Variants in TNNT1 observed in about 807,000 individuals in gnomAD.
TNNT1 encodes the protein troponin T, slow skeletal muscle.
In TNNT1, 53 loss-of-function variants were observed where a neutral mutation model predicts 50.6. The ratio of observed to expected loss-of-function variants is 1.05; its 90% CI spans 0.84 to 1.32. TNNT1 has a LOEUF of 1.32. Among genes scored for constraint, TNNT1 ranks in the 40% most tolerant of loss-of-function variants. The probability of loss-of-function intolerance (pLI) is 0.00; values close to 1 mark genes in which losing one functional copy is unlikely to be tolerated. For synonymous variants in TNNT1, 142 were observed against 138.0 expected (o/e 1.03, Z -0.20); for missense variants, 348 against 381.7 (o/e 0.91, Z 0.74).
chr19:55,143,314 G>T (rs1005623719), intron 6 of TNNT1, among the ~76,000 whole-genome samples: 1 of 152,180 alleles, frequency 6.6e-6, no homozygotes, highest in African/African-American at 2.4e-5. Flanking sequence ...GTAAGAAATT[G>T]TAAGTGACGT....
chr19:55,145,378 AGGAGGGAGG>A (rs1481062101), intron 6 of TNNT1, 157 bp downstream of exon 6: 4 of 641,870 alleles, frequency 6.2e-6, no homozygotes, highest in Non-Finnish European at 1.1e-5. Context: ...GAGGAGGGAG[AGGAGGGAGG>A]AGGGAAAGGG....
intron 6 of TNNT1, chr19:55,145,315 A>C: frequency 1.8e-6 from 1 of 563,738 alleles, no homozygotes; most frequent in Non-Finnish European, 3.2e-6. Flanking sequence ...AAGAAGGGGA[A>C]GGAGAAGGAG....
At chr19:55,148,686 C>T (rs568358023) in intron 1 of TNNT1, among the ~76,000 whole-genome samples, 4 of 152,018 alleles carry the variant, frequency 2.6e-5, no homozygotes, top group South Asian at 2.1e-4. Context: ...GTTCATGATA[C>T]CCCAGATAAT....
At position 55,137,389 on chromosome 19, in the gene TNNT1, T is replaced by C. The variant is rs2562510; in HGVS notation, c.502-177A>G. Among the ~76,000 whole-genome samples, 61,975 of 149,376 alleles carry C rather than the reference T, an allele frequency of 0.41. 14,829 individuals carry two copies. The highest frequency in any genetic ancestry group is 0.66 in the African/African-American group (26,864 of 40,948). On this transcript the variant is annotated intron_variant, in intron 10 of 13. Coordinates refer to ENST00000588981, the MANE Select transcript of TNNT1 (RefSeq NM_003283.6). ...AGCCCCACTCCCTCCTCCCTCAGATTCAGGAGGAGTCCAGACCCCCAGTCC... is the reference window on the plus strand; with the variant it reads ...AGCCCCACTCCCTCCTCCCTCAGATCCAGGAGGAGTCCAGACCCCCAGTCC...
intron 9 of TNNT1, 29 bp from the exon 10 acceptor site, chr19:55,138,103 G>T: frequency 6.2e-7 from 1 of 1,613,852 alleles, no homozygotes; most frequent in Non-Finnish European, 8.5e-7. Flanking sequence ...TAACCTCATG[G>T]ACTCCCCTGT....
intron 9 of TNNT1, among the ~76,000 whole-genome samples, chr19:55,140,142 T>TA (rs544765660): frequency 3.0e-5 from 4 of 135,114 alleles, no homozygotes; most frequent in African/African-American, 5.6e-5. Flanking sequence ...AAATTAAAAT[T>TA]AAAAAAAAAG....
rs148264676 is a variant in TNNT1, at chr19:55,141,107, C to T, written c.309+79G>A. On this transcript the variant is annotated intron_variant, in intron 8 of 13. Transcript: ENST00000588981. ...GCTCAGCTCTGTACTAGGAGGAAAA[C>T]TATTATCTGCATCTCCCAAGATGCA... 0.031 allele frequency: 46,739 copies of T among 1,494,298 alleles called. 945 individuals are homozygous for T. Among genetic ancestry groups the T allele is most frequent in the Non-Finnish European group, 0.037 (39,562 of 1,071,086 alleles). The allele number at this position is 1,494,298 out of a possible 1,614,324, so 92.6% of individuals were successfully genotyped here. A position where few individuals can be genotyped will look rare whatever the true frequency, so the allele number is the denominator to read the frequency against.
intron 1 of TNNT1, chr19:55,148,190 A>T (rs1372948046): frequency 6.6e-6 from 1 of 151,766 alleles, no homozygotes; most frequent in Non-Finnish European, 1.5e-5. Context: ...GGGGGATGTC[A>T]TAGATGGTGA....
At chr19:55,142,541 T>C (rs2085478100) in intron 6 of TNNT1, among the ~76,000 whole-genome samples, 1 of 144,058 alleles carries the variant, frequency 6.9e-6, no homozygotes. Flanking sequence ...ATATGCCTAG[T>C]AAGAATTTTT....
chr19:55,133,413 C>T (rs986385564), intron 13 of TNNT1: 5 of 279,910 alleles, frequency 1.8e-5, no homozygotes, highest in Admixed American at 1.5e-4. Context: ...GGCGCGGTGG[C>T]TCACGCCTGT....
intron 6 of TNNT1, among the ~76,000 whole-genome samples, chr19:55,143,358 C>A (rs1457131985): frequency 6.6e-6 from 1 of 152,118 alleles, no homozygotes. Context: ...TTGGGTGGTG[C>A]CGCTCTGAGG....
chr19:55,146,557 T>A, intron 4 of TNNT1, 91 bp from the exon 5 acceptor site: 4 of 1,143,102 alleles, frequency 3.5e-6, no homozygotes, highest in Non-Finnish European at 4.7e-6. Flanking sequence ...GGAAGAGACG[T>A]GAGAGGCTGT....
At chr19:55,147,683 C>CTGAGAGGGGAGGGGCTGGAGGCT (rs1555860239) in intron 1 of TNNT1, among the ~76,000 whole-genome samples, 2 of 90,416 alleles carry the variant, frequency 2.2e-5, no homozygotes, top group African/African-American at 9.4e-5. Flanking sequence ...GGGCTGGGGT[C>CTGAGAGGGGAGGGGCTGGAGGCT]TGGACTCCTG....
intron 11 of TNNT1, 68 bp from the exon 12 acceptor site, chr19:55,134,272 G>A (rs548959492): frequency 4.3e-5 from 63 of 1,449,170 alleles, no homozygotes; most frequent in African/African-American, 3.5e-4. Flanking sequence ...GCCACACAGC[G>A]AGACTGTGAG....
At chr19:55,133,839 A>G (rs2085292006) in intron 13 of TNNT1, 48 bp downstream of exon 13, 5 of 1,612,020 alleles carry the variant, frequency 3.1e-6, no homozygotes, top group Non-Finnish European at 4.2e-6. Context: ...CCTGAGAGTC[A>G]GCGGGAGGGT....
At chr19:55,135,807 C>T (rs566831035) in intron 11 of TNNT1, among the ~76,000 whole-genome samples, 2 of 152,210 alleles carry the variant, frequency 1.3e-5, no homozygotes, top group African/African-American at 4.8e-5. Context: ...AGGTGTGAGC[C>T]GCCGCGCCCG....
rs1361920241 is a variant in TNNT1, at chr19:55,147,301, A to G, written c.-11-133T>C. ...GGACTCCTGGGTGTGAGAGAGGAGG[A>G]GCTGGGGTCTGGACTCCTGGGTGTG... On this transcript the variant is annotated intron_variant, in intron 1 of 13. Coordinates refer to ENST00000588981, the MANE Select transcript of TNNT1 (RefSeq NM_003283.6). 7.5e-5 allele frequency: 61 copies of G among 816,432 alleles called. 2 individuals carry two copies. In the East Asian group the frequency reaches 1.4e-3, roughly 19 times the overall value. The allele number at this position is 816,432 out of a possible 1,614,324, so 50.6% of individuals were successfully genotyped here.
chr19:55,142,062 C>T (rs1440524640), intron 6 of TNNT1, 142 bp from the exon 7 acceptor site: 3 of 755,044 alleles, frequency 4.0e-6, no homozygotes, highest in Non-Finnish European at 7.1e-6. Flanking sequence ...GGCGGGCTGT[C>T]AGTGAAACAC....
rs781328147 is a variant in TNNT1, at chr19:55,147,111, C to T, written c.32+15G>A. On this transcript the variant is annotated intron_variant, in intron 2 of 13. Coordinates refer to ENST00000588981, the MANE Select transcript of TNNT1 (RefSeq NM_003283.6). ...CACCACTGCACGCCCCAACCCCTCCCAGTGCAGCACTCACTCCTCATATTC... is the reference window on the plus strand; with the variant it reads ...CACCACTGCACGCCCCAACCCCTCCTAGTGCAGCACTCACTCCTCATATTC... 1 of 1,613,862 alleles carries T rather than the reference C, an allele frequency of 6.2e-7. No homozygotes were observed. The highest frequency in any genetic ancestry group is 1.1e-5 in the South Asian group (1 of 90,954).
Sources: gnomAD v4.1 joint callset for allele counts (sites outside exome capture counted in the v4.1 genomes callset) on GRCh38, gnomAD v4.1.1 for gene constraint, MANE v1.5 for transcripts, NCBI Gene and HGNC (gene_info 2026-07-23, HGNC 2026-07-21) for gene names.